The following LMBRD1 variants were observed in gnomAD, a reference collection of about 807,000 sequenced individuals.
The protein encoded by LMBRD1 is LMBR1 domain containing 1.
In LMBRD1, 64 loss-of-function variants were observed where a neutral mutation model predicts 74.8. The ratio of observed to expected loss-of-function variants is 0.86; its 90% confidence interval spans 0.70 to 1.05. The LOEUF (loss-of-function observed/expected upper bound fraction) is 1.05. Ranked by LOEUF, LMBRD1 falls within the 50% of genes least tolerant of loss-of-function variation. LMBRD1 has a pLI of 0.00. For synonymous variants in LMBRD1, 204 were observed against 216.3 expected (o/e 0.94, Z 0.50); for missense variants, 652 against 645.9 (o/e 1.01, Z -0.10).
Position 69,705,867 on chromosome 6 carries a change from C to T in LMBRD1, c.916-3914G>A, listed in dbSNP as rs1766243097. On this transcript the variant is annotated intron_variant, in intron 9 of 15. Transcript: ENST00000649934. Reference sequence around the variant, plus strand: ...CTGAACCACACTTCAACCGTAAGACCACTGGTGGTGTTATTTCAAAGCCCC... The same window carrying T: ...CTGAACCACACTTCAACCGTAAGACTACTGGTGGTGTTATTTCAAAGCCCC... 6.0e-6 allele frequency: 8 copies of T among 1,339,936 alleles called. No individual in the cohort carries two copies. In the South Asian group the frequency reaches 9.3e-5, roughly 16 times the overall value. 83.0% of individuals were successfully genotyped at this position (1,339,936 alleles called of 1,614,324 possible).
intron 7 of LMBRD1, among the ~76,000 whole-genome samples, chr6:69,722,404 T>C (rs1367420740): frequency 6.6e-6 from 1 of 150,516 alleles, no homozygotes; most frequent in Non-Finnish European, 1.5e-5. Flanking sequence ...AGTATAACAC[T>C]ACAATGGTGG....
At chr6:69,712,795 A>G (rs1318893059) in intron 9 of LMBRD1, among the ~76,000 whole-genome samples, 1 of 152,136 alleles carries the variant, frequency 6.6e-6, no homozygotes, top group Non-Finnish European at 1.5e-5. Context: ...GAGGTCTGCC[A>G]TGAGAGGGCC....
chr6:69,726,673 A>G (rs1766742154), intron 7 of LMBRD1, among the ~76,000 whole-genome samples: 2 of 152,126 alleles, frequency 1.3e-5, no homozygotes. Flanking sequence ...GGATCTAAAA[A>G]TCAAAACAAT....
At chr6:69,780,677 A>G in intron 2 of LMBRD1, 123 bp from the exon 3 acceptor site, 2 of 722,078 alleles carry the variant, frequency 2.8e-6, no homozygotes, top group South Asian at 1.4e-5. Flanking sequence ...AAAACAATCT[A>G]TGTCTTCAAT....
At chr6:69,728,463 G>T (rs193004000) in intron 7 of LMBRD1, among the ~76,000 whole-genome samples, 497 of 152,272 alleles carry the variant, frequency 3.3e-3, no homozygotes, top group Middle Eastern at 0.017. Flanking sequence ...TTATATGCAG[G>T]TATGTTTCCC....
At chr6:69,795,661 T>A (rs1011972170) in intron 1 of LMBRD1, among the ~76,000 whole-genome samples, 37 of 152,224 alleles carry the variant, frequency 2.4e-4, no homozygotes, top group African/African-American at 8.7e-4. Context: ...ACAGTCAACC[T>A]TTAGGGTTTC....
intron 14 of LMBRD1, among the ~76,000 whole-genome samples, chr6:69,680,384 A>G (rs1239898498): frequency 2.0e-5 from 3 of 152,132 alleles, no homozygotes; most frequent in Admixed American, 6.6e-5. Context: ...AGAACTTGAC[A>G]AAATTAGAAA....
chr6:69,699,246 T>A, intron 12 of LMBRD1, 54 bp from the exon 13 acceptor site: 1 of 1,463,768 alleles, frequency 6.8e-7, no homozygotes, highest in Non-Finnish European at 9.6e-7. Context: ...TATAAAGCAT[T>A]AAATCCTTTT....
At chr6:69,718,406 C>A (rs957248761) in intron 8 of LMBRD1, among the ~76,000 whole-genome samples, 20 of 152,070 alleles carry the variant, frequency 1.3e-4, no homozygotes, top group African/African-American at 4.6e-4. Context: ...TGCTAGTGTC[C>A]TACATTACAC....
chr6:69,719,026 G>A lies in LMBRD1; in HGVS notation c.692C>T (p.Ala231Val), dbSNP rs1179479081. The part of the protein sequence containing the change: ...LNLIKGTRSA[A>V]YERLENTEDI... ...TTCAGTGTTTTCCAAACGTTCATAAGCAGCGCTTCTAGTGCCTTTTATCAG... is the reference window on the plus strand; with the variant it reads ...TTCAGTGTTTTCCAAACGTTCATAAACAGCGCTTCTAGTGCCTTTTATCAG... The change falls in exon 8 of 16, where the codon GCT (alanine) becomes GTT (valine). Residue 231 changes from alanine (A) to valine (V), a missense_variant. Transcript: ENST00000649934. The A allele has an allele frequency of 6.2e-6, 10 of 1,613,002 alleles. No homozygotes were observed. The South Asian group carries it at 1.1e-4, about 18-fold the overall frequency.
At chr6:69,734,521 G>A (rs560586743) in intron 7 of LMBRD1, among the ~76,000 whole-genome samples, 10 of 151,724 alleles carry the variant, frequency 6.6e-5, no homozygotes, top group Middle Eastern at 3.4e-3. Flanking sequence ...TCAGTCTCCC[G>A]AGTACCTGCG....
intron 9 of LMBRD1, among the ~76,000 whole-genome samples, chr6:69,712,488 T>A (rs1171411375): frequency 6.6e-6 from 1 of 151,676 alleles, no homozygotes; most frequent in Non-Finnish European, 1.5e-5. Flanking sequence ...TAACAACCCA[T>A]ACAAATAGAT....
chr6:69,783,513 C>T (rs573665160), intron 2 of LMBRD1, among the ~76,000 whole-genome samples: 1 of 152,156 alleles, frequency 6.6e-6, no homozygotes, highest in African/African-American at 2.4e-5. Flanking sequence ...TAGCTGGGAC[C>T]ACAGGTGCAT....
chr6:69,705,749 T>C (rs1766240455), intron 9 of LMBRD1: 4 of 1,205,694 alleles, frequency 3.3e-6, no homozygotes, highest in African/African-American at 1.5e-5. Context: ...ACTTTCCAGA[T>C]ATACTTAAGA....
chr6:69,694,268 C>T (rs1309896908), intron 14 of LMBRD1, among the ~76,000 whole-genome samples: 1 of 152,096 alleles, frequency 6.6e-6, no homozygotes, highest in South Asian at 2.1e-4. Flanking sequence ...TGTTTCAATA[C>T]TATTGTAACA....
intron 2 of LMBRD1, 89 bp downstream of exon 2, chr6:69,790,207 T>C (rs780984033): frequency 6.9e-6 from 6 of 870,856 alleles, no homozygotes; most frequent in Non-Finnish European, 1.1e-5. Flanking sequence ...CATTCCCAGA[T>C]ACAAAAATAA....
intron 9 of LMBRD1, among the ~76,000 whole-genome samples, chr6:69,707,407 G>C (rs556581732): frequency 6.6e-6 from 1 of 152,234 alleles, no homozygotes; most frequent in East Asian, 1.9e-4. Flanking sequence ...TCCTGGATGA[G>C]GGCATCATTA....
At chr6:69,754,281 T>C (rs903412415) in intron 3 of LMBRD1, among the ~76,000 whole-genome samples, 2 of 140,628 alleles carry the variant, frequency 1.4e-5, no homozygotes, top group Non-Finnish European at 3.0e-5. Context: ...ATGGTTAAGA[T>C]GGTAAAAAAA....
chr6:69,741,095 C>A (rs916206061), intron 6 of LMBRD1, among the ~76,000 whole-genome samples: 2 of 152,006 alleles, frequency 1.3e-5, no homozygotes, highest in Admixed American at 1.3e-4. Flanking sequence ...ACATAAGGTT[C>A]TCTCTTACTA....
Sources: gnomAD v4.1 joint callset for allele counts (sites outside exome capture counted in the v4.1 genomes callset) on GRCh38, gnomAD v4.1.1 for gene constraint, MANE v1.5 for transcripts, NCBI Gene and HGNC (gene_info 2026-07-23, HGNC 2026-07-21) for gene names.